The following AKT3 variants were observed in gnomAD, a reference collection of about 807,000 sequenced individuals.
The protein encoded by AKT3 is RAC-gamma serine/threonine-protein kinase.
In AKT3, 15 loss-of-function variants were observed where a neutral mutation model predicts 65.3. The observed-to-expected ratio is 0.23, with a 90% CI of 0.15 to 0.35. AKT3 has a LOEUF of 0.35. Ranked by LOEUF, AKT3 falls within the 10% of genes least tolerant of loss-of-function variation. The pLI, the probability that AKT3 is intolerant of heterozygous loss-of-function variation, is 1.00. For synonymous variants in AKT3, 206 were observed against 183.8 expected, an observed-to-expected ratio of 1.12 and a Z score of -0.98; for missense variants, 243 against 576.5, an observed-to-expected ratio of 0.42 and a Z score of 5.92.
intron 8 of AKT3, among the ~76,000 whole-genome samples, chr1:243,593,886 C>T (rs375203340): frequency 2.0e-5 from 3 of 152,174 alleles, no homozygotes; most frequent in South Asian, 4.2e-4. Flanking sequence ...AACAAAAACA[C>T]AATGTTCGCT....
chr1:243,613,396 C>A (rs761027141), intron 8 of AKT3, among the ~76,000 whole-genome samples: 1 of 151,690 alleles, frequency 6.6e-6, no homozygotes, highest in African/African-American at 2.4e-5. Context: ...AACATGATTT[C>A]AAAAATCATA....
chr1:243,638,658 C>T (rs1265075308), intron 5 of AKT3, among the ~76,000 whole-genome samples: 1 of 151,948 alleles, frequency 6.6e-6, no homozygotes, highest in Non-Finnish European at 1.5e-5. Flanking sequence ...AATTTAAACT[C>T]AGTTTAGAGG....
intron 2 of AKT3, among the ~76,000 whole-genome samples, chr1:243,728,856 T>C (rs1016940835): frequency 6.6e-6 from 1 of 152,100 alleles, no homozygotes; most frequent in Non-Finnish European, 1.5e-5. Context: ...CAGGGAAACT[T>C]AGTTTTTCCT....
intron 3 of AKT3, among the ~76,000 whole-genome samples, chr1:243,684,517 A>G (rs1211497353): frequency 6.6e-6 from 1 of 152,158 alleles, no homozygotes; most frequent in Non-Finnish European, 1.5e-5. Flanking sequence ...ATAGTATTCC[A>G]TGGTATGTAT....
At chr1:243,634,928 C>T (rs1222816573) in intron 6 of AKT3, among the ~76,000 whole-genome samples, 3 of 151,888 alleles carry the variant, frequency 2.0e-5, no homozygotes, top group East Asian at 1.9e-4. Flanking sequence ...CGGAAGACTT[C>T]GACAACTCAA....
chr1:243,628,158 A>G (rs141207831), intron 6 of AKT3, among the ~76,000 whole-genome samples: 6 of 152,334 alleles, frequency 3.9e-5, no homozygotes, highest in African/African-American at 1.4e-4. Context: ...TGAAGGACAT[A>G]ACATAATCCT....
intron 3 of AKT3, among the ~76,000 whole-genome samples, chr1:243,689,485 T>A (rs1684554561): frequency 6.8e-6 from 1 of 146,546 alleles, no homozygotes; most frequent in Admixed American, 6.8e-5. Context: ...TTCAAAGATT[T>A]TTTTTTTTTT....
chr1:243,543,707 A>T (rs1223043073), intron 12 of AKT3, among the ~76,000 whole-genome samples: 1 of 152,224 alleles, frequency 6.6e-6, no homozygotes, highest in African/African-American at 2.4e-5. Flanking sequence ...AAGTGGATAT[A>T]AAATTGTCTG....
chr1:243,580,304 T>C (rs1431132800), intron 8 of AKT3, among the ~76,000 whole-genome samples: 1 of 152,142 alleles, frequency 6.6e-6, no homozygotes, highest in Non-Finnish European at 1.5e-5. Flanking sequence ...ACCCTTCCAC[T>C]GGGGATCCAA....
intron 2 of AKT3, among the ~76,000 whole-genome samples, chr1:243,823,762 A>G (rs890779645): frequency 2.0e-5 from 3 of 152,230 alleles, no homozygotes; most frequent in African/African-American, 7.2e-5. Context: ...CAGAGAGGAC[A>G]CAAACAAATG....
intron 2 of AKT3, among the ~76,000 whole-genome samples, chr1:243,776,716 G>T (rs566566009): frequency 6.6e-6 from 1 of 152,164 alleles, no homozygotes; most frequent in Non-Finnish European, 1.5e-5. Flanking sequence ...CCCTACAGTG[G>T]ATCCAAGAGA....
At chr1:243,740,445 C>T (rs558211305) in intron 2 of AKT3, among the ~76,000 whole-genome samples, 6 of 152,236 alleles carry the variant, frequency 3.9e-5, no homozygotes, top group African/African-American at 1.4e-4. Flanking sequence ...AGGAAAAATC[C>T]TTGGTATGCA....
chr1:243,511,244 G>A (rs923655657), intron 13 of AKT3, among the ~76,000 whole-genome samples: 9 of 152,332 alleles, frequency 5.9e-5, no homozygotes, highest in African/African-American at 1.9e-4. Context: ...AACTTTTTGT[G>A]AATCTAAAGA....
chr1:243,734,265 C>T (rs1687720408), intron 2 of AKT3, among the ~76,000 whole-genome samples: 2 of 152,114 alleles, frequency 1.3e-5, no homozygotes, highest in Non-Finnish European at 2.9e-5. Context: ...TAAACTGAAA[C>T]ACTGAAGTAT....
intron 9 of AKT3, among the ~76,000 whole-genome samples, chr1:243,569,902 T>C (rs1265158319): frequency 2.0e-5 from 3 of 152,230 alleles, no homozygotes; most frequent in Non-Finnish European, 4.4e-5. Context: ...TAACATATAA[T>C]TTGGACTACT....
rs1669204993 is a variant in AKT3, at chr1:243,500,715, C to CTGA, written c.*4531_*4533dup. The CTGA allele has an allele frequency of 4.4e-6, 1 of 229,830 alleles. No homozygotes were observed. Among genetic ancestry groups the CTGA allele is most frequent in the East Asian group, 6.2e-5 (1 of 16,136 alleles). 14.2% of individuals were successfully genotyped at this position (229,830 alleles called of 1,614,324 possible). ...TCCTCATCACCATCTCAACACAGAG[C>CTGA]TGATGTCACCATATGCTCAGCCTTG... On this transcript the variant is annotated 3_prime_UTR_variant, in exon 14 of 14. Coordinates refer to ENST00000673466, the MANE Select transcript of AKT3 (RefSeq NM_005465.7).
chr1:243,599,959 T>C (rs922591480), intron 8 of AKT3, among the ~76,000 whole-genome samples: 2 of 152,076 alleles, frequency 1.3e-5, no homozygotes, highest in Non-Finnish European at 2.9e-5. Context: ...AAACTAATAT[T>C]AGTATGGCTA....
At position 243,627,268 on chromosome 1, in the gene AKT3, A is replaced by G. The variant is rs1006191725; in HGVS notation, c.561+10343T>C. Among the ~76,000 whole-genome samples the G allele has an allele frequency of 2.0e-5, 3 of 152,022 alleles. No homozygotes were observed. The East Asian group carries it at 5.8e-4, about 29-fold the overall frequency. ...CAGCACTTTGGGAGGCCAAGGCAGG[A>G]GGATCACTTGAGTCCAGGAGTGTAA... On this transcript the variant is annotated intron_variant, in intron 6 of 13. Coordinates refer to ENST00000673466, the MANE Select transcript of AKT3 (RefSeq NM_005465.7).
intron 12 of AKT3, among the ~76,000 whole-genome samples, chr1:243,534,811 C>T (rs1484832923): frequency 6.6e-6 from 1 of 151,954 alleles, no homozygotes; most frequent in African/African-American, 2.4e-5. Flanking sequence ...AATAAAACAT[C>T]AAAATTTGTG....
Sources: allele counts gnomAD v4.1 joint callset (sites outside exome capture counted in the v4.1 genomes callset), GRCh38; gene constraint gnomAD v4.1.1; transcripts MANE v1.5; gene names NCBI Gene and HGNC (gene_info 2026-07-23, HGNC 2026-07-21).